CTNNA2: variants seen among roughly 807,000 people sequenced by gnomAD.
The protein encoded by CTNNA2 is catenin alpha 2.
Under a neutral mutation model 101.0 loss-of-function variants are expected in CTNNA2, and 42 were observed. That is an observed-to-expected ratio of 0.42 (90% CI 0.32 to 0.54). CTNNA2 has a LOEUF of 0.54. Among genes scored for constraint, CTNNA2 ranks in the 20% least tolerant of loss-of-function variants. The probability of loss-of-function intolerance (pLI) is 0.14; values close to 1 mark genes in which losing one functional copy is unlikely to be tolerated. For synonymous variants in CTNNA2, 450 were observed against 456.4 expected, an observed-to-expected ratio of 0.99 and a Z score of 0.18; for missense variants, 871 against 1,223.1, an observed-to-expected ratio of 0.71 and a Z score of 4.29.
chr2:79,200,790 C>A (rs1354209591), intron 2 of CTNNA2, among the ~76,000 whole-genome samples: 3 of 151,940 alleles, frequency 2.0e-5, no homozygotes, highest in Admixed American at 6.6e-5. Context: ...GTTACATTTG[C>A]ATTAAGCTAA....
intron 7 of CTNNA2, among the ~76,000 whole-genome samples, chr2:80,177,674 G>A (rs564206362): frequency 6.6e-6 from 1 of 152,240 alleles, no homozygotes; most frequent in African/African-American, 2.4e-5. Flanking sequence ...TCCTCCTCTG[G>A]CTATGGTCAC....
intron 2 of CTNNA2, among the ~76,000 whole-genome samples, chr2:79,718,018 A>G (rs950144497): frequency 6.6e-5 from 10 of 152,152 alleles, no homozygotes. Flanking sequence ...CAACCTCTTG[A>G]AGACCATATG....
rs191301481 is a variant in CTNNA2, at chr2:80,503,810, G to A, written c.1291-41172G>A. Among the ~76,000 whole-genome samples the A allele has an allele frequency of 1.2e-4, 19 of 152,188 alleles. No individual in the cohort carries two copies. The East Asian group carries it at 3.5e-3, about 28-fold the overall frequency. ...CTGGAGAAAGAACCAGATAGTGGCT[G>A]AACAGAGCCCTGAGCTTCCAAGCCA... On this transcript the variant is annotated intron_variant, in intron 9 of 18. Transcript: ENST00000402739.
At chr2:79,501,956 GAT>G (rs61183373) in intron 4 of CTNNA2, among the ~76,000 whole-genome samples, 3,326 of 149,674 alleles carry the variant, frequency 0.022, 157 homozygotes, top group East Asian at 0.18. Flanking sequence ...CATATTCAAG[GAT>G]ATTAGTCTTT....
intron 2 of CTNNA2, among the ~76,000 whole-genome samples, chr2:79,684,908 C>T (rs757490444): frequency 5.9e-5 from 9 of 152,084 alleles, no homozygotes; most frequent in Admixed American, 1.3e-4. Context: ...CTGTGAGCTC[C>T]GCCCTCTTTC....
At chr2:79,362,628 A>G (rs1383965193) in intron 3 of CTNNA2, among the ~76,000 whole-genome samples, 1 of 152,176 alleles carries the variant, frequency 6.6e-6, no homozygotes, top group Admixed American at 6.5e-5. Context: ...TGCACTTCCC[A>G]GGCTCTTAGG....
At chr2:80,642,535 G>C (rs11689549) in intron 18 of CTNNA2, among the ~76,000 whole-genome samples, 48,840 of 151,662 alleles carry the variant, frequency 0.32, 9,116 homozygotes, top group East Asian at 0.48. Flanking sequence ...AAAAATGTAG[G>C]GATAGACTGG....
intron 3 of CTNNA2, among the ~76,000 whole-genome samples, chr2:79,750,980 C>A (rs1671993074): frequency 6.6e-6 from 1 of 152,020 alleles, no homozygotes; most frequent in South Asian, 2.1e-4. Flanking sequence ...TGTTACCCAG[C>A]CTGACATTCT....
intron 4 of CTNNA2, among the ~76,000 whole-genome samples, chr2:79,478,198 G>T (rs1001352191): frequency 2.6e-5 from 4 of 152,148 alleles, no homozygotes; most frequent in East Asian, 3.8e-4. Context: ...AAGGCAGAAG[G>T]TTGGAAGCAA....
At chr2:80,215,321 C>T (rs1011862611) in intron 7 of CTNNA2, among the ~76,000 whole-genome samples, 2 of 152,138 alleles carry the variant, frequency 1.3e-5, no homozygotes, top group African/African-American at 4.8e-5. Context: ...GAGCTGCATT[C>T]CTTTGGAGGA....
At chr2:79,507,325 A>G (rs887249413) in intron 5 of CTNNA2, among the ~76,000 whole-genome samples, 2 of 152,176 alleles carry the variant, frequency 1.3e-5, no homozygotes, top group Non-Finnish European at 2.9e-5. Flanking sequence ...AACAGTGTTG[A>G]GAAGTGGGAA....
intron 6 of CTNNA2, among the ~76,000 whole-genome samples, chr2:79,904,623 A>C (rs909897152): frequency 6.6e-6 from 1 of 152,198 alleles, no homozygotes; most frequent in African/African-American, 2.4e-5. Flanking sequence ...ACCATGGGAC[A>C]ACATCTCTGG....
chr2:79,349,649 T>C (rs369273514), intron 3 of CTNNA2, among the ~76,000 whole-genome samples: 1 of 152,128 alleles, frequency 6.6e-6, no homozygotes, highest in East Asian at 1.9e-4. Flanking sequence ...CAACAATAGC[T>C]TGGAAGTCAG....
intron 2 of CTNNA2, among the ~76,000 whole-genome samples, chr2:79,695,538 T>G (rs1455794206): frequency 6.6e-6 from 1 of 151,998 alleles, no homozygotes; most frequent in African/African-American, 2.4e-5. Context: ...TTTAAGCCTC[T>G]CCATGGGTCC....
intron 7 of CTNNA2, among the ~76,000 whole-genome samples, chr2:80,178,568 GGCAGA>G (rs1216717990): frequency 6.6e-6 from 1 of 152,162 alleles, no homozygotes; most frequent in Non-Finnish European, 1.5e-5. Flanking sequence ...TGGCTCAAGT[GGCAGA>G]GCAGCTTGCA....
At chr2:79,287,255 C>T (rs571845379) in intron 2 of CTNNA2, among the ~76,000 whole-genome samples, 2 of 152,272 alleles carry the variant, frequency 1.3e-5, no homozygotes, top group South Asian at 2.1e-4. Context: ...TCTCTCAGCT[C>T]GTCAAAGTCA....
chr2:79,808,402 A>G (rs1335403558), intron 3 of CTNNA2, among the ~76,000 whole-genome samples: 2 of 152,206 alleles, frequency 1.3e-5, no homozygotes, highest in Admixed American at 1.3e-4. Flanking sequence ...TTAAGCAAAA[A>G]TGGTTGGGCT....
chr2:79,447,821 C>G (rs1485439629), intron 4 of CTNNA2, among the ~76,000 whole-genome samples: 1 of 152,010 alleles, frequency 6.6e-6, no homozygotes, highest in Non-Finnish European at 1.5e-5. Flanking sequence ...GTGGACTGTT[C>G]CCATTACCAT....
At chr2:80,428,916 C>A (rs1681233674) in intron 9 of CTNNA2, among the ~76,000 whole-genome samples, 1 of 151,842 alleles carries the variant, frequency 6.6e-6, no homozygotes, top group Admixed American at 6.6e-5. Context: ...ATTTTCATAC[C>A]CCTTTTTCTC....
Sources: allele counts gnomAD v4.1 joint callset (sites outside exome capture counted in the v4.1 genomes callset), GRCh38; gene constraint gnomAD v4.1.1; transcripts MANE v1.5; gene names NCBI Gene and HGNC (gene_info 2026-07-23, HGNC 2026-07-21).